Variants in DMD observed in about 807,000 individuals in gnomAD.
The protein encoded by DMD is dystrophin, also known as mutant dystrophin.
DMD carries 63 observed loss-of-function variants against 330.1 expected under a neutral mutation model. The ratio of observed to expected loss-of-function variants is 0.19; its 90% CI spans 0.16 to 0.24. The LOEUF (loss-of-function observed/expected upper bound fraction) is 0.24. Among genes scored for constraint, DMD ranks in the 10% least tolerant of loss-of-function variants. DMD has a pLI of 1.00. For synonymous variants in DMD, 1,223 were observed against 959.8 expected, an observed-to-expected ratio of 1.27 and a Z score of -5.07; for missense variants, 3,344 against 2,684.1, an observed-to-expected ratio of 1.25 and a Z score of -5.43.
intron 61 of DMD, among the ~76,000 whole-genome samples, chrX:31,343,729 C>T (rs1050231559): frequency 1.9e-4 from 21 of 109,212 alleles, no homozygotes; most frequent in African/African-American, 7.0e-4. Context: ...TTAGTAGTTC[C>T]TCCTTATTTT....
chrX:31,154,467 TG>T (rs1380324122), intron 74 of DMD, among the ~76,000 whole-genome samples: 4 of 107,603 alleles, frequency 3.7e-5, no homozygotes, highest in Non-Finnish European at 7.7e-5. Context: ...TTTTTTTTTT[TG>T]TATTTTTAGT....
intron 43 of DMD, among the ~76,000 whole-genome samples, chrX:32,247,176 AC>A (rs1395455325): frequency 9.0e-6 from 1 of 111,371 alleles, no homozygotes; most frequent in South Asian, 3.7e-4. Context: ...TATATTATGG[AC>A]CCCCATGCAC....
intron 48 of DMD, among the ~76,000 whole-genome samples, chrX:31,845,390 T>TCTCTCTCC (rs1454842590): frequency 6.9e-5 from 4 of 57,664 alleles, no homozygotes; most frequent in Non-Finnish European, 1.3e-4. Context: ...TCTCTCTCTC[T>TCTCTCTCC]CTCTCTCTCT....
At chrX:31,280,705 C>T (rs1192371072) in intron 62 of DMD, among the ~76,000 whole-genome samples, 3 of 112,349 alleles carry the variant, frequency 2.7e-5, no homozygotes, top group Non-Finnish European at 3.8e-5. Context: ...GTGCATCACA[C>T]AGGATGTTTA....
intron 7 of DMD, among the ~76,000 whole-genome samples, chrX:32,746,799 T>C (rs1273709132): frequency 9.0e-6 from 1 of 111,464 alleles, no homozygotes; most frequent in African/African-American, 3.3e-5. Context: ...CACTAGTACA[T>C]ATCCGTCCTA....
chrX:32,018,159 T>C (rs1413612759), intron 44 of DMD, among the ~76,000 whole-genome samples: 2 of 111,622 alleles, frequency 1.8e-5, no homozygotes, highest in African/African-American at 6.5e-5. Context: ...TCAAGGTGCA[T>C]AACTTAATAA....
chrX:32,868,972 G>T (rs1394369935), intron 2 of DMD, among the ~76,000 whole-genome samples: 1 of 111,453 alleles, frequency 9.0e-6, no homozygotes, highest in African/African-American at 3.3e-5. Context: ...AACAGCAGTC[G>T]CTAGACACCT....
intron 4 of DMD, among the ~76,000 whole-genome samples, chrX:32,831,844 G>A (rs1006699381): frequency 4.5e-5 from 5 of 110,558 alleles, no homozygotes; most frequent in Non-Finnish European, 7.6e-5. Flanking sequence ...AAGCATTTGC[G>A]GTTTTAACTT....
intron 1 of DMD, among the ~76,000 whole-genome samples, chrX:33,232,325 T>G (rs1001676466): frequency 8.9e-6 from 1 of 112,025 alleles, no homozygotes; most frequent in Non-Finnish European, 1.9e-5. Context: ...TCCTGATTGA[T>G]CTAATAAATA....
At chrX:32,548,045 G>A (rs1037853956) in intron 16 of DMD, among the ~76,000 whole-genome samples, 25 of 111,152 alleles carry the variant, frequency 2.2e-4, no homozygotes, top group African/African-American at 6.8e-4. Context: ...AACTTGATTC[G>A]TCATCCAAAA....
At chrX:31,531,085 T>A (rs1188043316) in intron 55 of DMD, among the ~76,000 whole-genome samples, 6 of 74,603 alleles carry the variant, frequency 8.0e-5, no homozygotes, top group Non-Finnish European at 1.4e-4. Flanking sequence ...TTGTTGGACA[T>A]TTGGGTTGGT....
At chrX:32,178,196 ATT>A (rs10597296) in intron 44 of DMD, among the ~76,000 whole-genome samples, 3,689 of 100,612 alleles carry the variant, frequency 0.037, 165 homozygotes, top group African/African-American at 0.13. Context: ...TCTCAAGACC[ATT>A]TTTTTTTTTT....
rs192652536 is a variant in DMD, at chrX:31,803,078, T to C, written c.7309+16897A>G. Among the ~76,000 whole-genome samples the C allele has an allele frequency of 5.3e-5, 6 of 112,326 alleles. No individual in the cohort carries two copies. In the East Asian group the frequency reaches 1.1e-3, roughly 21 times the overall value. ...GAATTCCCCTTGCCCCCGGAAGGAA[T>C]AGTGGTTAAAAATATATCCATGGGC... On this transcript the variant is annotated intron_variant, in intron 50 of 78. Transcript: ENST00000357033.
At chrX:31,198,050 A>G (rs61342941) in intron 67 of DMD, among the ~76,000 whole-genome samples, 6,443 of 89,587 alleles carry the variant, frequency 0.072, 240 homozygotes, top group South Asian at 0.19. Flanking sequence ...AAAAAAATTG[A>G]ACTCATGGAG....
intron 67 of DMD, among the ~76,000 whole-genome samples, chrX:31,196,929 A>G (rs1263818040): frequency 2.7e-5 from 3 of 109,425 alleles, no homozygotes; most frequent in Non-Finnish European, 3.8e-5. Flanking sequence ...ATGGCATTTT[A>G]ACATTTGCAG....
At chrX:32,574,900 T>G (rs1443150171) in intron 13 of DMD, among the ~76,000 whole-genome samples, 1 of 52,470 alleles carries the variant, frequency 1.9e-5, no homozygotes, top group Non-Finnish European at 3.5e-5. Context: ...AATCCACCTA[T>G]TTTTTTTTTT....
intron 44 of DMD, among the ~76,000 whole-genome samples, chrX:32,115,003 T>C (rs68092862): frequency 0.098 from 11,019 of 112,027 alleles, 780 homozygotes; most frequent in African/African-American, 0.25. Flanking sequence ...AATTGTATTT[T>C]CAACATTTGA....
chrX:32,840,000 C>A lies in DMD; in HGVS notation c.264+4783G>T, dbSNP rs940431733. Among the ~76,000 whole-genome samples the A allele has an allele frequency of 5.4e-5, 6 of 112,008 alleles. 1 individual carries two copies. In the Middle Eastern group the frequency reaches 0.019, roughly 346 times the overall value. On this transcript the variant is annotated intron_variant, in intron 4 of 78. Transcript: ENST00000357033. ...CTGGTATTACAGGCATGAGCCACCG[C>A]GCCCAGCCTAGATTTACTTTTGAAA...
Position 32,390,186 on chromosome X carries a change from T to A in DMD, c.4234-5A>T. ...TGTCAAATCAGATTGGATTTTCTGT[T>A]GGGAGGATAGCATTATTAGTCAGCA... On this transcript the variant is annotated splice_region_variant and splice_polypyrimidine_tract_variant and intron_variant, in intron 30 of 78. Transcript: ENST00000357033. 2 of 1,158,471 alleles carry A rather than the reference T, an allele frequency of 1.7e-6. No individual in the cohort carries two copies. Among genetic ancestry groups the A allele is most frequent in the Non-Finnish European group, 2.4e-6 (2 of 847,367 alleles).
Sources: allele counts gnomAD v4.1 joint callset (sites outside exome capture counted in the v4.1 genomes callset), GRCh38; gene constraint gnomAD v4.1.1; transcripts MANE v1.5; gene names NCBI Gene and HGNC (gene_info 2026-07-23, HGNC 2026-07-21).